The following RPS6KC1 variants were observed in gnomAD, a reference collection of about 807,000 sequenced individuals.
RPS6KC1 encodes inactive ribosomal protein S6 kinase delta-1.
Under a neutral mutation model 103.8 loss-of-function variants are expected in RPS6KC1, and 54 were observed. That is an observed-to-expected ratio of 0.52 (90% confidence interval 0.42 to 0.65). RPS6KC1 has a LOEUF of 0.65. RPS6KC1 is among the 30% of genes least tolerant of loss of function. The probability of loss-of-function intolerance (pLI) is 0.00; values close to 1 mark genes in which losing one functional copy is unlikely to be tolerated. For missense variants in RPS6KC1, 1,151 were observed against 1,253.8 expected (o/e 0.92, Z 1.24); for synonymous variants, 439 against 438.7 (o/e 1.00, Z -0.01).
chr1:213,324,871 C>T, the RPS6KC1 span, among the ~76,000 whole-genome samples: 1 of 151,656 alleles, frequency 6.6e-6, no homozygotes, highest in Non-Finnish European at 1.5e-5. Flanking sequence ...GACTCAGGTT[C>T]AGAGGACATG....
At chr1:213,605,702 G>A in the RPS6KC1 span, among the ~76,000 whole-genome samples, 1 of 152,196 alleles carries the variant, frequency 6.6e-6, no homozygotes, top group African/African-American at 2.4e-5. Flanking sequence ...AAACACTCAT[G>A]GAAAGGCAAT....
chr1:213,265,644 G>A lies in RPS6KC1; in HGVS notation c.3090+2828G>A, dbSNP rs187569852. 3.0e-4 allele frequency among the ~76,000 whole-genome samples: 45 copies of A among 152,256 alleles called. No homozygotes were observed. In the East Asian group the frequency reaches 6.9e-3, roughly 23 times the overall value. On this transcript the variant is annotated intron_variant, in intron 14 of 14. Transcript: ENST00000366960. ...ACAATAGCTTTTCTCTTAACAAATC[G>A]TAGCAACTACTAATATAAAAATTCT...
At chr1:213,175,996 T>C (rs1238788265) in intron 7 of RPS6KC1, among the ~76,000 whole-genome samples, 1 of 152,190 alleles carries the variant, frequency 6.6e-6, no homozygotes, top group African/African-American at 2.4e-5. Flanking sequence ...TGTTTTTTAG[T>C]TCCCCCACTT....
At chr1:213,458,804 G>A in the RPS6KC1 span, among the ~76,000 whole-genome samples, 1 of 152,176 alleles carries the variant, frequency 6.6e-6, no homozygotes, top group Non-Finnish European at 1.5e-5. Flanking sequence ...AGTTTATTGA[G>A]GGTTTGTAGC....
the RPS6KC1 span, among the ~76,000 whole-genome samples, chr1:213,566,463 TTTTTTTTTTTTTTTTTTTTTTTTTTTTTG>T: frequency 7.8e-5 from 3 of 38,282 alleles, no homozygotes; most frequent in East Asian, 4.1e-4. Flanking sequence ...TTTTTTTTTT[TTTTTTTTTTTTTTTTTTTTTTTTTTTTTG>T]GATATTGCCT....
chr1:213,450,311 T>C, the RPS6KC1 span, among the ~76,000 whole-genome samples: 3 of 151,862 alleles, frequency 2.0e-5, no homozygotes. Flanking sequence ...CATCAAAGAC[T>C]AGCAATAAGC....
chr1:213,057,094 C>G (rs1398345639), intron 1 of RPS6KC1, among the ~76,000 whole-genome samples: 1 of 152,006 alleles, frequency 6.6e-6, no homozygotes, highest in Non-Finnish European at 1.5e-5. Flanking sequence ...AACATGCCAC[C>G]CTGCCTGACT....
At chr1:213,390,895 G>A in the RPS6KC1 span, among the ~76,000 whole-genome samples, 4 of 152,178 alleles carry the variant, frequency 2.6e-5, no homozygotes, top group Non-Finnish European at 5.9e-5. Context: ...TATAGCATGT[G>A]TGGGGGTGAG....
chr1:213,541,018 T>C, the RPS6KC1 span, among the ~76,000 whole-genome samples: 1 of 151,946 alleles, frequency 6.6e-6, no homozygotes, highest in African/African-American at 2.4e-5. Context: ...TCTAGTTCTC[T>C]TGCAATTTCT....
chr1:213,376,899 T>C, the RPS6KC1 span, among the ~76,000 whole-genome samples: 8 of 152,206 alleles, frequency 5.3e-5, no homozygotes, highest in South Asian at 1.2e-3. Flanking sequence ...CTGGAGACAA[T>C]CAGGGAGAAG....
At chr1:213,848,494 A>G in the RPS6KC1 span, among the ~76,000 whole-genome samples, 3 of 152,154 alleles carry the variant, frequency 2.0e-5, no homozygotes, top group Non-Finnish European at 4.4e-5. Flanking sequence ...TACTATATAC[A>G]CATATAGTAT....
intron 10 of RPS6KC1, among the ~76,000 whole-genome samples, chr1:213,239,049 T>G (rs1024823290): frequency 1.3e-5 from 2 of 152,094 alleles, no homozygotes; most frequent in Non-Finnish European, 2.9e-5. Context: ...TAAACTTCAG[T>G]TGAAATATGG....
Position 213,151,869 on chromosome 1 carries a change from G to A in RPS6KC1, c.836-15989G>A, listed in dbSNP as rs577633613. ...TCCCTCCCGGACGGGGCGGCTGGCC[G>A]GGCGGGGGGCTGATCCCCCAACCTC... On this transcript the variant is annotated intron_variant, in intron 6 of 14. Transcript: ENST00000366960. Among the ~76,000 whole-genome samples, 54 of 119,236 alleles carry A rather than the reference G, an allele frequency of 4.5e-4. 2 individuals are homozygous for A. Among genetic ancestry groups the A allele is most frequent in the African/African-American group, 1.5e-3 (46 of 29,788 alleles). The allele number at this position is 119,236 out of a possible 152,430, so 78.2% of individuals were successfully genotyped here. A position where few individuals can be genotyped will look rare whatever the true frequency, so the allele number is the denominator to read the frequency against.
At chr1:213,149,188 AT>A (rs1262281528) in intron 6 of RPS6KC1, among the ~76,000 whole-genome samples, 3 of 150,664 alleles carry the variant, frequency 2.0e-5, no homozygotes, top group Admixed American at 6.6e-5. Context: ...GATCTTTATT[AT>A]TTTTTTCTAC....
At chr1:213,684,658 A>G in the RPS6KC1 span, among the ~76,000 whole-genome samples, 1 of 152,230 alleles carries the variant, frequency 6.6e-6, no homozygotes, top group African/African-American at 2.4e-5. Context: ...GAGCTAGCCA[A>G]TCAGAGCAGT....
chr1:213,410,224 A>AGGGACCAAAGAGACAGGAG, the RPS6KC1 span, among the ~76,000 whole-genome samples: 6 of 152,188 alleles, frequency 3.9e-5, no homozygotes. Context: ...GGCAGCAGAA[A>AGGGACCAAAGAGACAGGAG]GGGACCAAAG....
the RPS6KC1 span, among the ~76,000 whole-genome samples, chr1:213,659,284 G>GA: frequency 6.6e-6 from 1 of 152,120 alleles, no homozygotes; most frequent in Non-Finnish European, 1.5e-5. Context: ...ATTCTTATAG[G>GA]GAGGAAGGGC....
chr1:213,379,622 A>C, the RPS6KC1 span, among the ~76,000 whole-genome samples: 1 of 152,196 alleles, frequency 6.6e-6, no homozygotes, highest in Non-Finnish European at 1.5e-5. Context: ...TTGTTATGGC[A>C]GCTCTAGCAA....
intron 10 of RPS6KC1, among the ~76,000 whole-genome samples, chr1:213,239,924 G>T (rs1235952310): frequency 2.6e-5 from 4 of 152,074 alleles, no homozygotes; most frequent in Non-Finnish European, 5.9e-5. Flanking sequence ...TAAAATAAAA[G>T]AAAACTATGG....
Sources: allele counts gnomAD v4.1 joint callset (sites outside exome capture counted in the v4.1 genomes callset), GRCh38; gene constraint gnomAD v4.1.1; transcripts MANE v1.5; gene names NCBI Gene and HGNC (gene_info 2026-07-23, HGNC 2026-07-21).